CDH13: variants seen among roughly 807,000 people sequenced by gnomAD.
CDH13 encodes the protein cadherin 13, also known as cadherin-13.
Under a neutral mutation model 63.8 loss-of-function variants are expected in CDH13, and 24 were observed. The ratio of observed to expected loss-of-function variants is 0.38; its 90% CI spans 0.27 to 0.53. The LOEUF is 0.53. Ranked by LOEUF, CDH13 falls within the 20% of genes least tolerant of loss-of-function variation. The pLI, the probability that CDH13 is intolerant of heterozygous loss-of-function variation, is 0.85. For missense variants in CDH13, 1,049 were observed against 903.1 expected (o/e 1.16, Z -2.07); for synonymous variants, 503 against 355.3 (o/e 1.42, Z -4.67).
intron 1 of CDH13, among the ~76,000 whole-genome samples, chr16:82,642,396 T>C (rs1228827603): frequency 6.6e-6 from 1 of 152,208 alleles, no homozygotes; most frequent in African/African-American, 2.4e-5. Flanking sequence ...TAGGGAACAA[T>C]GTATAATGCA....
intron 8 of CDH13, among the ~76,000 whole-genome samples, chr16:83,636,041 A>C (rs1020844803): frequency 6.6e-5 from 10 of 152,140 alleles, no homozygotes; most frequent in African/African-American, 2.4e-4. Flanking sequence ...CAGTTGCTCC[A>C]GTAGCCTTTT....
At position 82,742,048 on chromosome 16, in the gene CDH13, G is replaced by A. The variant is rs552612814; in HGVS notation, c.45+114911G>A. On this transcript the variant is annotated intron_variant, in intron 1 of 13. Coordinates refer to ENST00000567109, the MANE Select transcript of CDH13 (RefSeq NM_001257.5). ...TCTAAATTTCTTACAATATCAGCCCGGTTATATAAAATCATGGTGTAGATA... is the reference window on the plus strand; with the variant it reads ...TCTAAATTTCTTACAATATCAGCCCAGTTATATAAAATCATGGTGTAGATA... 9.9e-5 allele frequency among the ~76,000 whole-genome samples: 15 copies of A among 152,174 alleles called. No individual in the cohort carries two copies. In the East Asian group the frequency reaches 2.1e-3, roughly 22 times the overall value.
intron 11 of CDH13, among the ~76,000 whole-genome samples, chr16:83,772,580 C>G (rs1242793928): frequency 1.3e-5 from 2 of 152,216 alleles, no homozygotes; most frequent in Non-Finnish European, 2.9e-5. Context: ...AAACACTTCA[C>G]AGGGCCTTGT....
chr16:83,354,914 G>A (rs769099807), intron 6 of CDH13, among the ~76,000 whole-genome samples: 5 of 152,174 alleles, frequency 3.3e-5, no homozygotes, highest in East Asian at 1.9e-4. Flanking sequence ...GGCTGCTTTC[G>A]CACCATATTG....
At chr16:83,735,073 A>G (rs1911415089) in intron 10 of CDH13, among the ~76,000 whole-genome samples, 1 of 152,138 alleles carries the variant, frequency 6.6e-6, no homozygotes, top group Admixed American at 6.6e-5. Flanking sequence ...AAAATGATGA[A>G]TAGAAGTTTG....
At chr16:82,804,841 G>T (rs894440536) in intron 1 of CDH13, among the ~76,000 whole-genome samples, 4 of 152,126 alleles carry the variant, frequency 2.6e-5, no homozygotes, top group African/African-American at 9.7e-5. Flanking sequence ...AACATATTAA[G>T]AAATTTAGAG....
chr16:83,647,048 C>A (rs1490514945), intron 8 of CDH13, among the ~76,000 whole-genome samples: 1 of 152,040 alleles, frequency 6.6e-6, no homozygotes, highest in East Asian at 1.9e-4. Flanking sequence ...CGGTGGCTCA[C>A]GCCTGTAATC....
intron 2 of CDH13, among the ~76,000 whole-genome samples, chr16:83,020,817 G>A (rs778413518): frequency 6.6e-6 from 1 of 152,144 alleles, no homozygotes; most frequent in South Asian, 2.1e-4. Context: ...GGGAAATCAC[G>A]AGACTGTCAA....
intron 1 of CDH13, among the ~76,000 whole-genome samples, chr16:82,696,695 C>T (rs570760224): frequency 6.6e-6 from 1 of 152,312 alleles, no homozygotes; most frequent in South Asian, 2.1e-4. Context: ...GTGGTGGTTT[C>T]AGTGGGATGC....
chr16:83,233,962 GA>G (rs1253452941), intron 5 of CDH13, among the ~76,000 whole-genome samples: 1 of 152,210 alleles, frequency 6.6e-6, no homozygotes, highest in Non-Finnish European at 1.5e-5. Context: ...AGTGCTAAGT[GA>G]TGGATGATCT....
At chr16:83,260,164 A>G (rs931524393) in intron 5 of CDH13, among the ~76,000 whole-genome samples, 1 of 151,512 alleles carries the variant, frequency 6.6e-6, no homozygotes, top group Non-Finnish European at 1.5e-5. Flanking sequence ...AACAAAGTTT[A>G]CAAATAATAC....
intron 1 of CDH13, among the ~76,000 whole-genome samples, chr16:82,631,161 T>C (rs1298788762): frequency 6.6e-5 from 10 of 152,236 alleles, no homozygotes; most frequent in Admixed American, 5.9e-4. Flanking sequence ...GTTGGTTCTG[T>C]TCTAATTCAT....
chr16:83,599,610 A>G (rs541638739), intron 7 of CDH13, among the ~76,000 whole-genome samples: 17 of 152,356 alleles, frequency 1.1e-4, no homozygotes, highest in African/African-American at 4.1e-4. Context: ...TGAAAACCAC[A>G]AATAACCAAA....
chr16:83,512,321 A>AAAATAAATAAATAAAT (rs200161148), intron 7 of CDH13, among the ~76,000 whole-genome samples: 11 of 126,854 alleles, frequency 8.7e-5, no homozygotes, highest in South Asian at 2.8e-4. Flanking sequence ...ACTCCGTCTC[A>AAAATAAATAAATAAAT]AAATAAATAA....
chr16:82,799,542 A>C (rs1404812842), intron 1 of CDH13, among the ~76,000 whole-genome samples: 1 of 152,228 alleles, frequency 6.6e-6, no homozygotes, highest in Admixed American at 6.5e-5. Flanking sequence ...CAACATTGCT[A>C]ATTCCACGTT....
intron 6 of CDH13, among the ~76,000 whole-genome samples, chr16:83,400,216 T>A (rs1254635912): frequency 6.6e-6 from 1 of 152,130 alleles, no homozygotes; most frequent in African/African-American, 2.4e-5. Context: ...AAGGGATGAC[T>A]TTTAAAGAAA....
chr16:83,327,079 C>G (rs1216703022), intron 5 of CDH13, among the ~76,000 whole-genome samples: 1 of 152,192 alleles, frequency 6.6e-6, no homozygotes, highest in African/African-American at 2.4e-5. Context: ...GAGTCTATTT[C>G]CATGACTTGT....
At chr16:83,306,222 G>A (rs1397295480) in intron 5 of CDH13, among the ~76,000 whole-genome samples, 1 of 152,206 alleles carries the variant, frequency 6.6e-6, no homozygotes, top group Non-Finnish European at 1.5e-5. Flanking sequence ...ATAAACAAGG[G>A]TAGGTACCGT....
At chr16:83,623,554 A>C (rs1910006542) in intron 8 of CDH13, among the ~76,000 whole-genome samples, 1 of 152,140 alleles carries the variant, frequency 6.6e-6, no homozygotes, top group African/African-American at 2.4e-5. Flanking sequence ...ATCAAATCTA[A>C]CAAACAGCAC....
Sources: allele counts gnomAD v4.1 joint callset (sites outside exome capture counted in the v4.1 genomes callset), GRCh38; gene constraint gnomAD v4.1.1; transcripts MANE v1.5; gene names NCBI Gene and HGNC (gene_info 2026-07-23, HGNC 2026-07-21).